Variants in RBFOX1 observed in about 807,000 individuals in gnomAD.
RBFOX1 encodes RNA binding fox-1 homolog 1.
In RBFOX1, 8 loss-of-function variants were observed where a neutral mutation model predicts 57.7. That is an observed-to-expected ratio of 0.14 (90% CI 0.08 to 0.25). RBFOX1 has a LOEUF of 0.25. RBFOX1 is among the 10% of genes least tolerant of loss of function. The probability of loss-of-function intolerance (pLI) is 1.00; values close to 1 mark genes in which losing one functional copy is unlikely to be tolerated. For synonymous variants in RBFOX1, 326 were observed against 222.4 expected, an observed-to-expected ratio of 1.47 and a Z score of -4.15; for missense variants, 611 against 548.5, an observed-to-expected ratio of 1.11 and a Z score of -1.14.
At chr16:5,556,785 C>G (rs1198596279) in intron 2 of RBFOX1, among the ~76,000 whole-genome samples, 1 of 151,898 alleles carries the variant, frequency 6.6e-6, no homozygotes, top group Non-Finnish European at 1.5e-5. Flanking sequence ...AAACAAAACA[C>G]TGTTCTGTGG....
chr16:6,574,257 A>G (rs1239291574), intron 2 of RBFOX1, among the ~76,000 whole-genome samples: 5 of 151,910 alleles, frequency 3.3e-5, no homozygotes, highest in South Asian at 2.1e-4. Flanking sequence ...AACTGAGGTA[A>G]CACACGTTGT....
At chr16:7,148,797 C>T (rs576701737) in intron 4 of RBFOX1, among the ~76,000 whole-genome samples, 3 of 152,256 alleles carry the variant, frequency 2.0e-5, no homozygotes, top group East Asian at 3.9e-4. Flanking sequence ...GTTCGGCAGC[C>T]CCAGGCACTT....
chr16:5,546,268 G>T (rs1047300616), intron 2 of RBFOX1, among the ~76,000 whole-genome samples: 18 of 152,148 alleles, frequency 1.2e-4, no homozygotes, highest in African/African-American at 4.3e-4. Flanking sequence ...AGTCAATGCA[G>T]TCCAAACCAG....
intron 3 of RBFOX1, among the ~76,000 whole-genome samples, chr16:5,815,922 G>A (rs923496958): frequency 6.6e-6 from 1 of 152,174 alleles, no homozygotes; most frequent in African/African-American, 2.4e-5. Context: ...GGGTGGTGTG[G>A]ATTTTGCATG....
chr16:6,590,527 A>G (rs527833238), intron 2 of RBFOX1, among the ~76,000 whole-genome samples: 47 of 152,310 alleles, frequency 3.1e-4, no homozygotes, highest in African/African-American at 1.0e-3. Context: ...AGTAAATTCA[A>G]TGAGAGCCCC....
At chr16:7,367,757 G>A (rs1277195932) in intron 4 of RBFOX1, among the ~76,000 whole-genome samples, 4 of 152,080 alleles carry the variant, frequency 2.6e-5, no homozygotes, top group South Asian at 2.1e-4. Context: ...AATAGTGCAG[G>A]CTCTGCGTTG....
intron 3 of RBFOX1, among the ~76,000 whole-genome samples, chr16:6,957,227 G>C (rs987412522): frequency 1.3e-5 from 2 of 151,494 alleles, no homozygotes; most frequent in Non-Finnish European, 2.9e-5. Context: ...CGCCTCCCGG[G>C]TTCACGCCAT....
At position 6,463,416 on chromosome 16, in the gene RBFOX1, A is replaced by C. The variant is rs186793072; in HGVS notation, c.-64+146359A>C. Among the ~76,000 whole-genome samples the C allele has an allele frequency of 2.3e-4, 35 of 152,318 alleles. No individual in the cohort carries two copies. The East Asian group carries it at 5.2e-3, about 23-fold the overall frequency. On this transcript the variant is annotated intron_variant, in intron 2 of 15. Coordinates refer to ENST00000550418, the MANE Select transcript of RBFOX1 (RefSeq NM_018723.4). ...TATATTTTAGCCTTGGCAGGATGCT[A>C]TGAGATGACATAGTAACGATAAGAA...
chr16:7,318,303 G>A (rs2096482565), intron 4 of RBFOX1, among the ~76,000 whole-genome samples: 1 of 151,932 alleles, frequency 6.6e-6, no homozygotes, highest in South Asian at 2.1e-4. Flanking sequence ...GGTAGTGCTG[G>A]TGGTGCTGGT....
At chr16:7,308,336 G>A (rs1163014763) in intron 4 of RBFOX1, among the ~76,000 whole-genome samples, 1 of 143,806 alleles carries the variant, frequency 7.0e-6, no homozygotes, top group African/African-American at 2.5e-5. Flanking sequence ...TCCTGAAAGA[G>A]GATCAGTAGC....
chr16:6,602,617 G>T (rs78987792), intron 2 of RBFOX1, among the ~76,000 whole-genome samples: 1,780 of 152,242 alleles, frequency 0.012, 47 homozygotes, highest in African/African-American at 0.039. Flanking sequence ...CCTTCTCCTG[G>T]CTCCAGTTCC....
At chr16:7,404,155 C>G (rs917344376) in intron 4 of RBFOX1, among the ~76,000 whole-genome samples, 11 of 151,174 alleles carry the variant, frequency 7.3e-5, no homozygotes, top group African/African-American at 1.9e-4. Context: ...CAGGTTCAAG[C>G]GATTCTCCTG....
At chr16:6,851,512 T>G (rs4129044) in intron 3 of RBFOX1, among the ~76,000 whole-genome samples, 8 of 152,000 alleles carry the variant, frequency 5.3e-5, no homozygotes, top group Non-Finnish European at 1.2e-4. Flanking sequence ...TTGAAAGATA[T>G]TCACAACATA....
At chr16:5,533,903 A>G (rs1000154823) in intron 2 of RBFOX1, among the ~76,000 whole-genome samples, 2 of 152,140 alleles carry the variant, frequency 1.3e-5, no homozygotes, top group African/African-American at 2.4e-5. Flanking sequence ...CTAAGATGCA[A>G]GCAACAGAAA....
At chr16:5,290,021 A>C (rs2063495260) in intron 1 of RBFOX1, among the ~76,000 whole-genome samples, 1 of 152,262 alleles carries the variant, frequency 6.6e-6, no homozygotes, top group African/African-American at 2.4e-5. Context: ...TTGACCATGC[A>C]ATGGAATATT....
intron 4 of RBFOX1, among the ~76,000 whole-genome samples, chr16:7,243,661 G>C (rs2178712): frequency 0.93 from 141,134 of 152,100 alleles, 65,671 homozygotes; most frequent in East Asian, 1. Flanking sequence ...GATCCTCCCA[G>C]CTCAGCCTCC....
intron 1 of RBFOX1, among the ~76,000 whole-genome samples, chr16:5,429,561 C>T (rs561068441): frequency 2.6e-5 from 4 of 152,158 alleles, no homozygotes; most frequent in Non-Finnish European, 5.9e-5. Flanking sequence ...GATAACAGCT[C>T]CAGGCTTCCA....
At chr16:6,957,749 G>A (rs2082170190) in intron 3 of RBFOX1, among the ~76,000 whole-genome samples, 1 of 152,126 alleles carries the variant, frequency 6.6e-6, no homozygotes. Flanking sequence ...AGATGGAGTT[G>A]CTCTGGTTCA....
intron 2 of RBFOX1, among the ~76,000 whole-genome samples, chr16:6,471,271 A>T (rs2095168551): frequency 6.6e-6 from 1 of 152,088 alleles, no homozygotes; most frequent in African/African-American, 2.4e-5. Context: ...AAGCATCATC[A>T]CCTTTTGAAT....
Sources: allele counts gnomAD v4.1 joint callset (sites outside exome capture counted in the v4.1 genomes callset), GRCh38; gene constraint gnomAD v4.1.1; transcripts MANE v1.5; gene names NCBI Gene and HGNC (gene_info 2026-07-23, HGNC 2026-07-21).